Variants in FAM20B observed in about 807,000 individuals in gnomAD.
FAM20B encodes glycosaminoglycan xylosylkinase.
In FAM20B, 23 loss-of-function variants were observed where a neutral mutation model predicts 43.8. That is an observed-to-expected ratio of 0.53 (90% CI 0.38 to 0.74). The LOEUF (loss-of-function observed/expected upper bound fraction) is 0.74. FAM20B is among the 30% of genes least tolerant of loss of function. The pLI is 0.00. For missense variants in FAM20B, 440 were observed against 510.5 expected, an observed-to-expected ratio of 0.86 and a Z score of 1.33; for synonymous variants, 178 against 192.4, an observed-to-expected ratio of 0.93 and a Z score of 0.62.
At chr1:179,035,278 C>T in intron 1 of FAM20B, 1 of 608,560 alleles carries the variant, frequency 1.6e-6, no homozygotes, top group Non-Finnish European at 3.0e-6. Context: ...AGAGAATGGT[C>T]TGTCTTCAGT....
At position 179,064,060 on chromosome 1, in the gene FAM20B, C is replaced by T. The variant is rs762433691; in HGVS notation, c.708C>T (p.His236=). Residue 236 remains histidine (H), a synonymous_variant, in exon 5 of 8, where the codon CAC becomes CAT. Transcript: ENST00000263733. The part of the protein sequence containing the change: ...PDVWPLQKHR[H]PWGRTYREGK... ...TGTGGCCTCTGCAGAAGCACCGTCA[C>T]CCATGGGGCAGGACTTACCGAGAAG... 3 of 1,613,850 alleles carry T rather than the reference C, an allele frequency of 1.9e-6. No individual in the cohort carries two copies. Among genetic ancestry groups the T allele is most frequent in the African/African-American group, 1.3e-5 (1 of 74,874 alleles).
intron 1 of FAM20B, among the ~76,000 whole-genome samples, chr1:179,028,187 G>A (rs1649868670): frequency 6.6e-6 from 1 of 152,164 alleles, no homozygotes; most frequent in Non-Finnish European, 1.5e-5. Flanking sequence ...CTGTTGAATT[G>A]ATAACTTTTT....
At chr1:179,042,382 A>G (rs1337941733) in intron 1 of FAM20B, among the ~76,000 whole-genome samples, 1 of 152,192 alleles carries the variant, frequency 6.6e-6, no homozygotes, top group African/African-American at 2.4e-5. Context: ...AGAGTATCAC[A>G]TGCAGCTTCT....
the FAM20B span, among the ~76,000 whole-genome samples, chr1:179,018,687 T>G: frequency 3.3e-5 from 5 of 152,228 alleles, no homozygotes; most frequent in Admixed American, 2.6e-4. Context: ...GTTCATGATA[T>G]ACCATTAAGT....
chr1:179,027,780 A>G lies in FAM20B; in HGVS notation c.-134+1682A>G, dbSNP rs1217661430. ...CTCTATTCGTTTCTCTAGAACTGGT[A>G]GGACAGTAGCTATGTTTTGGTGAAT... On this transcript the variant is annotated intron_variant, in intron 1 of 7. Transcript: ENST00000263733. Among the ~76,000 whole-genome samples, 3 of 152,244 alleles carry G rather than the reference A, an allele frequency of 2.0e-5. No individual in the cohort carries two copies. In the East Asian group the frequency reaches 5.8e-4, roughly 29 times the overall value.
intron 1 of FAM20B, among the ~76,000 whole-genome samples, chr1:179,040,871 A>G (rs1650479043): frequency 1.4e-5 from 2 of 146,014 alleles, no homozygotes; most frequent in African/African-American, 2.6e-5. Context: ...GGCGGTTGCC[A>G]GGCAGAGGCT....
chr1:179,064,050 A>AG lies in FAM20B; in HGVS notation c.699dup (p.His234AlafsTer20). On this transcript the variant is annotated frameshift_variant, in exon 5 of 8. Coordinates refer to ENST00000263733, the MANE Select transcript of FAM20B (RefSeq NM_014864.4). LOFTEE classifies it high-confidence loss of function. ...CTTCCAGATGTGTGGCCTCTGCAGA[A>AG]GCACCGTCACCCATGGGGCAGGACT... is the stretch of plus-strand genomic sequence containing the variant. 6.2e-7 allele frequency: 1 copy of AG among 1,614,102 alleles called. No homozygotes were observed. The highest frequency in any genetic ancestry group is 8.5e-7 in the Non-Finnish European group (1 of 1,179,978).
chr1:179,036,026 AG>A (rs1650213933), intron 1 of FAM20B, among the ~76,000 whole-genome samples: 1 of 152,178 alleles, frequency 6.6e-6, no homozygotes, highest in Non-Finnish European at 1.5e-5. Context: ...GCTACTTGGG[AG>A]GCTGAGGCAG....
At chr1:179,020,362 G>C in the FAM20B span, among the ~76,000 whole-genome samples, 1 of 152,184 alleles carries the variant, frequency 6.6e-6, no homozygotes, top group African/African-American at 2.4e-5. Flanking sequence ...GATGTAGGGG[G>C]TCTGGTCCAC....
rs528594651 is a variant in FAM20B at position 179,039,886 on chromosome 1, G to A, written c.-133-3829G>A. 5.3e-3 allele frequency among the ~76,000 whole-genome samples: 813 copies of A among 152,138 alleles called. 11 individuals carry two copies. Among genetic ancestry groups the A allele is most frequent in the African/African-American group, 0.019 (770 of 41,446 alleles). On this transcript the variant is annotated intron_variant, in intron 1 of 7. Transcript: ENST00000263733. ...TAGGCAGAGGACCCTGCGGCCTTCC[G>A]CAGTGTTTGTGTCCCTGGGTACTTG...
At chr1:179,054,919 A>G (rs566832656) in intron 4 of FAM20B, among the ~76,000 whole-genome samples, 11 of 152,248 alleles carry the variant, frequency 7.2e-5, no homozygotes, top group Non-Finnish European at 1.5e-4. Context: ...TTTCTCTTAG[A>G]GCTATTAGTA....
the FAM20B span, among the ~76,000 whole-genome samples, chr1:179,019,353 G>A: frequency 6.6e-6 from 1 of 152,138 alleles, no homozygotes; most frequent in Non-Finnish European, 1.5e-5. Context: ...CTAATCAGAG[G>A]TGGGGGTGAG....
In FAM20B at chr1:179,057,815, G is replaced by A. The variant is rs879832421; in HGVS notation, c.574+3177G>A. On this transcript the variant is annotated intron_variant, in intron 4 of 7. Transcript: ENST00000263733. The stretch of plus-strand genomic sequence containing the variant: ...GCGGGAGCCAGACATGTACAAAGGG[G>A]CTATGGACTGTTGGGGTGGGGGTGG... Among the ~76,000 whole-genome samples, 5 of 149,760 alleles carry A rather than the reference G, an allele frequency of 3.3e-5. No individual in the cohort carries two copies. In the Admixed American group the frequency reaches 3.4e-4, roughly 10 times the overall value.
chr1:179,018,614 T>C, the FAM20B span, among the ~76,000 whole-genome samples: 2 of 152,264 alleles, frequency 1.3e-5, no homozygotes, highest in African/African-American at 4.8e-5. Context: ...GCCCCAAAGA[T>C]CTTTTAAAAA....
At chr1:179,050,103 C>G (rs11808217) in intron 2 of FAM20B, among the ~76,000 whole-genome samples, 176 bp from the exon 3 acceptor site, 13,937 of 152,154 alleles carry the variant, frequency 0.092, 1,186 homozygotes, top group African/African-American at 0.23. Flanking sequence ...CCTTCTCTAC[C>G]TCATCTTCAT....
chr1:179,025,787 C>T (rs1453620026), upstream of FAM20B: 1 of 143,292 alleles, frequency 7.0e-6, no homozygotes, highest in Non-Finnish European at 1.5e-5. Context: ...TAGGGGCCGC[C>T]TACTGGGCGG....
At chr1:179,062,075 C>T (rs1384068166) in intron 4 of FAM20B, among the ~76,000 whole-genome samples, 1 of 151,876 alleles carries the variant, frequency 6.6e-6, no homozygotes, top group African/African-American at 2.4e-5. Context: ...GGCGCAATCT[C>T]GGCTTATTGC....
chr1:179,037,606 C>T (rs1201275630), intron 1 of FAM20B, among the ~76,000 whole-genome samples: 1 of 151,360 alleles, frequency 6.6e-6, no homozygotes, highest in Non-Finnish European at 1.5e-5. Flanking sequence ...CCTGCCTCAG[C>T]CTCCTGAGTA....
chr1:179,049,658 A>G (rs1166605686), intron 2 of FAM20B, among the ~76,000 whole-genome samples: 1 of 152,154 alleles, frequency 6.6e-6, no homozygotes, highest in East Asian at 1.9e-4. Context: ...CTCCTGACTC[A>G]GCCTCCTGAG....
Sources: allele counts gnomAD v4.1 joint callset (sites outside exome capture counted in the v4.1 genomes callset), GRCh38; gene constraint gnomAD v4.1.1; transcripts MANE v1.5; gene names NCBI Gene and HGNC (gene_info 2026-07-23, HGNC 2026-07-21).